Variants in ITPRID1 observed in about 807,000 individuals in gnomAD.
ITPRID1 encodes the protein protein ITPRID1.
ITPRID1 carries 96 observed loss-of-function variants against 95.4 expected under a neutral mutation model. The observed-to-expected ratio is 1.01, with a 90% CI of 0.85 to 1.19. The LOEUF (loss-of-function observed/expected upper bound fraction) is 1.19. ITPRID1 is among the 50% of genes most tolerant of loss of function. The probability of loss-of-function intolerance (pLI) is 0.00; values close to 1 mark genes in which losing one functional copy is unlikely to be tolerated. For missense variants in ITPRID1, 1,339 were observed against 1,252.9 expected (o/e 1.07, Z -1.04); for synonymous variants, 510 against 453.6 (o/e 1.12, Z -1.58).
chr7:31,583,247 C>CT (rs1235317409), intron 10 of ITPRID1, 56 bp downstream of exon 10: 1 of 1,211,930 alleles, frequency 8.3e-7, no homozygotes, highest in Non-Finnish European at 1.2e-6. Context: ...ATGTAAATAA[C>CT]TGGTATTTAA....
chr7:31,583,739 G>C (rs577895074), intron 10 of ITPRID1, among the ~76,000 whole-genome samples: 1 of 152,142 alleles, frequency 6.6e-6, no homozygotes, highest in Non-Finnish European at 1.5e-5. Flanking sequence ...TGTGTGGCTT[G>C]TCTGACACTA....
chr7:31,596,511 A>C (rs914679805), intron 10 of ITPRID1, among the ~76,000 whole-genome samples: 1 of 151,740 alleles, frequency 6.6e-6, no homozygotes, highest in Non-Finnish European at 1.5e-5. Context: ...TAATACTTGA[A>C]CAAATAGCTT....
chr7:31,640,600 G>A (rs1264955288), intron 10 of ITPRID1, among the ~76,000 whole-genome samples: 2 of 151,934 alleles, frequency 1.3e-5, no homozygotes, highest in African/African-American at 4.8e-5. Context: ...GTTTCTCAAG[G>A]ACTGCTGTCT....
At chr7:31,651,872 G>T (rs939046783) in intron 13 of ITPRID1, 67 bp from the exon 14 acceptor site, 1 of 1,098,938 alleles carries the variant, frequency 9.1e-7, no homozygotes, top group East Asian at 2.6e-5. Context: ...ATATTATGAG[G>T]TGACAATGGA....
At chr7:31,638,968 G>A (rs1428034951) in intron 10 of ITPRID1, among the ~76,000 whole-genome samples, 2 of 152,104 alleles carry the variant, frequency 1.3e-5, no homozygotes, top group African/African-American at 4.8e-5. Context: ...GTAGACACGG[G>A]ATTTCACCAT....
intron 10 of ITPRID1, among the ~76,000 whole-genome samples, chr7:31,584,771 T>G (rs180936938): frequency 0.083 from 12,652 of 152,310 alleles, 637 homozygotes; most frequent in Middle Eastern, 0.13. Flanking sequence ...CATATGTATA[T>G]GATAACTGTG....
At chr7:31,557,720 T>C (rs1784496357) in intron 5 of ITPRID1, among the ~76,000 whole-genome samples, 1 of 152,092 alleles carries the variant, frequency 6.6e-6, no homozygotes, top group African/African-American at 2.4e-5. Context: ...TTGAGGTAAA[T>C]ATTACGTGGA....
At chr7:31,608,696 T>C (rs1786730986) in intron 10 of ITPRID1, among the ~76,000 whole-genome samples, 1 of 151,968 alleles carries the variant, frequency 6.6e-6, no homozygotes, top group South Asian at 2.1e-4. Flanking sequence ...TTATTTTTTG[T>C]ATATTGATCT....
At chr7:31,534,100 T>C (rs1224689999) in intron 1 of ITPRID1, among the ~76,000 whole-genome samples, 1 of 152,184 alleles carries the variant, frequency 6.6e-6, no homozygotes, top group Non-Finnish European at 1.5e-5. Context: ...GAAACTCTAA[T>C]GCCTGATAAT....
At position 31,574,203 on chromosome 7, in the gene ITPRID1, G is replaced by A. The variant is rs547069025; in HGVS notation, c.396-337G>A. Among the ~76,000 whole-genome samples the A allele has an allele frequency of 7.9e-4, 116 of 147,330 alleles. 1 individual carries two copies. Among genetic ancestry groups the A allele is most frequent in the African/African-American group, 2.6e-3 (105 of 39,638 alleles). ...TTTTCTGTTTCATTTCTTGCCTTTA[G>A]TGACCACTTGTTTTTGGTTGTCAGT... is the stretch of plus-strand genomic sequence containing the variant. On this transcript the variant is annotated intron_variant, in intron 7 of 14. Coordinates refer to ENST00000615280, the MANE Select transcript of ITPRID1 (RefSeq NM_001257967.3).
At chr7:31,645,417 G>A (rs1437213259) in intron 12 of ITPRID1, among the ~76,000 whole-genome samples, 1 of 152,160 alleles carries the variant, frequency 6.6e-6, no homozygotes, top group African/African-American at 2.4e-5. Context: ...TAATATTAGT[G>A]AGAGTTGAAC....
At chr7:31,579,790 C>T (rs1454447741) in intron 9 of ITPRID1, among the ~76,000 whole-genome samples, 2 of 151,848 alleles carry the variant, frequency 1.3e-5, no homozygotes, top group East Asian at 1.9e-4. Context: ...TACATATATG[C>T]CTTGTATAAA....
chr7:31,545,292 T>A (rs1302761122), intron 1 of ITPRID1, among the ~76,000 whole-genome samples: 1 of 152,074 alleles, frequency 6.6e-6, no homozygotes, highest in African/African-American at 2.4e-5. Flanking sequence ...GAATATGGTG[T>A]CCATGAAAGA....
chr7:31,649,884 C>T (rs1790798274), intron 12 of ITPRID1, among the ~76,000 whole-genome samples: 2 of 152,126 alleles, frequency 1.3e-5, no homozygotes, highest in African/African-American at 2.4e-5. Flanking sequence ...CTACTGACAG[C>T]AGGGGAAAGA....
At chr7:31,517,046 C>A (rs1330394984) in intron 1 of ITPRID1, among the ~76,000 whole-genome samples, 1 of 152,138 alleles carries the variant, frequency 6.6e-6, no homozygotes, top group African/African-American at 2.4e-5. Context: ...CTGGTATGAA[C>A]CCAAGGAATA....
chr7:31,515,437 T>C (rs577821068), intron 1 of ITPRID1, among the ~76,000 whole-genome samples: 12 of 152,186 alleles, frequency 7.9e-5, no homozygotes, highest in African/African-American at 2.2e-4. Context: ...TAGCTGGGTG[T>C]GGTGGTGCAT....
chr7:31,521,333 T>C (rs1024864310), intron 1 of ITPRID1, among the ~76,000 whole-genome samples: 3 of 152,218 alleles, frequency 2.0e-5, no homozygotes, highest in African/African-American at 7.2e-5. Flanking sequence ...AAACACATGT[T>C]ATTTAGTAGT....
intron 10 of ITPRID1, among the ~76,000 whole-genome samples, chr7:31,624,190 T>C (rs1235616439): frequency 2.0e-5 from 3 of 146,784 alleles, no homozygotes; most frequent in African/African-American, 7.6e-5. Flanking sequence ...AAAATGGCCA[T>C]ACTGCCCAAG....
Position 31,656,055 on chromosome 7 carries a change from C to G in ITPRID1, c.*3226C>G. On this transcript the variant is annotated 3_prime_UTR_variant, in exon 15 of 15. Coordinates refer to ENST00000615280, the MANE Select transcript of ITPRID1 (RefSeq NM_001257967.3). ...TCACCAGTAAGTCCTAGGGCAGACC[C>G]CATCTCCTACACAGGCTTTCCTTGA... is the stretch of plus-strand genomic sequence containing the variant. 1.0e-6 allele frequency: 1 copy of G among 968,434 alleles called. No homozygotes were observed. Among genetic ancestry groups the G allele is most frequent in the Non-Finnish European group, 1.2e-6 (1 of 814,404 alleles). The allele number at this position is 968,434 out of a possible 1,614,324, so 60.0% of individuals were successfully genotyped here. A position where few individuals can be genotyped will look rare whatever the true frequency, so the allele number is the denominator to read the frequency against.
Sources: allele counts gnomAD v4.1 joint callset (sites outside exome capture counted in the v4.1 genomes callset), GRCh38; gene constraint gnomAD v4.1.1; transcripts MANE v1.5; gene names NCBI Gene and HGNC (gene_info 2026-07-23, HGNC 2026-07-21).